The following ZNF236 variants were observed in gnomAD, a reference collection of about 807,000 sequenced individuals.
The protein encoded by ZNF236 is zinc finger protein 236.
ZNF236 carries 50 observed loss-of-function variants against 191.2 expected under a neutral mutation model. The observed-to-expected ratio is 0.26, with a 90% CI of 0.21 to 0.33. ZNF236 has a LOEUF of 0.33. ZNF236 is among the 10% of genes least tolerant of loss of function. ZNF236 has a pLI of 1.00. For synonymous variants in ZNF236, 907 were observed against 928.8 expected (o/e 0.98, Z 0.43); for missense variants, 1,754 against 2,374.5 (o/e 0.74, Z 5.43).
At chr18:76,933,376 A>G (rs1053564499) in intron 25 of ZNF236, among the ~76,000 whole-genome samples, 4 of 152,002 alleles carry the variant, frequency 2.6e-5, no homozygotes, top group African/African-American at 9.7e-5. Flanking sequence ...AGGCTGAGGC[A>G]GGAGAATCGC....
intron 22 of ZNF236, among the ~76,000 whole-genome samples, chr18:76,926,749 G>C (rs906363735): frequency 1.3e-5 from 2 of 152,090 alleles, no homozygotes; most frequent in Non-Finnish European, 1.5e-5. Flanking sequence ...ATGGTATAAA[G>C]GGTGATTAGA....
intron 1 of ZNF236, among the ~76,000 whole-genome samples, chr18:76,836,089 G>A (rs1322675070): frequency 6.0e-5 from 9 of 150,378 alleles, no homozygotes; most frequent in African/African-American, 2.2e-4. Context: ...TGTATTTTTA[G>A]TAGAGACGGG....
At chr18:76,938,456 C>T (rs1217984705) in intron 26 of ZNF236, among the ~76,000 whole-genome samples, 1 of 152,180 alleles carries the variant, frequency 6.6e-6, no homozygotes, top group Admixed American at 6.5e-5. Flanking sequence ...GCTTTTTAGG[C>T]TCACTGTACA....
intron 26 of ZNF236, among the ~76,000 whole-genome samples, chr18:76,938,500 G>A (rs1300387597): frequency 6.6e-6 from 1 of 152,198 alleles, no homozygotes; most frequent in African/African-American, 2.4e-5. Flanking sequence ...GAGCAGGATT[G>A]GCCCTAACAC....
chr18:76,905,122 ACATATT>A (rs1302811347), intron 12 of ZNF236, 27 bp from the exon 13 acceptor site: 4 of 1,577,950 alleles, frequency 2.5e-6, no homozygotes, highest in Non-Finnish European at 3.5e-6. Context: ...AGTATAAGAA[ACATATT>A]CATTAAAATG....
At chr18:76,862,410 G>A (rs144972137) in intron 3 of ZNF236, among the ~76,000 whole-genome samples, 321 of 152,216 alleles carry the variant, frequency 2.1e-3, no homozygotes, top group Non-Finnish European at 3.4e-3. Context: ...TTCTGCCCCC[G>A]TCCCTTGGGA....
At chr18:76,926,082 A>T (rs1399909711) in intron 22 of ZNF236, among the ~76,000 whole-genome samples, 2 of 152,158 alleles carry the variant, frequency 1.3e-5, no homozygotes, top group South Asian at 2.1e-4. Context: ...ACCACCACTC[A>T]GTAGTAGTGG....
intron 25 of ZNF236, among the ~76,000 whole-genome samples, chr18:76,933,193 G>T (rs1967903498): frequency 6.6e-6 from 1 of 152,208 alleles, no homozygotes; most frequent in African/African-American, 2.4e-5. Flanking sequence ...CCGAGGCCGG[G>T]CATGGTGGGT....
At chr18:76,877,356 A>C (rs1463557492) in intron 6 of ZNF236, among the ~76,000 whole-genome samples, 1 of 152,032 alleles carries the variant, frequency 6.6e-6, no homozygotes, top group African/African-American at 2.4e-5. Flanking sequence ...TAAAATACAA[A>C]AATTAGCTGG....
chr18:76,895,243 T>G lies in ZNF236; in HGVS notation c.1648T>G (p.Ser550Ala). 6.2e-7 allele frequency: 1 copy of G among 1,600,008 alleles called. No individual in the cohort carries two copies. Among genetic ancestry groups the G allele is most frequent in the Non-Finnish European group, 8.5e-7 (1 of 1,179,930 alleles). Residue 550 changes from serine to alanine, a missense_variant, in exon 10 of 31, where the codon TCC becomes GCC. Physicochemically the swap from Ser to Ala is moderately conservative, Grantham distance 99 (BLOSUM62 1). Transcript: ENST00000320610. Reference protein sequence around the residue: ...FKCQYCMKSFSTSGSLKVHIR... With the variant: ...FKCQYCMKSFATSGSLKVHIR... Reference sequence around the variant, plus strand: ...GTGCCAGTACTGCATGAAGAGCTTCTCCACCTCTGGCAGCCTCAAGGTGCA... The same window carrying G: ...GTGCCAGTACTGCATGAAGAGCTTCGCCACCTCTGGCAGCCTCAAGGTGCA...
intron 9 of ZNF236, among the ~76,000 whole-genome samples, chr18:76,893,979 A>G (rs1416996508): frequency 6.6e-6 from 1 of 152,254 alleles, no homozygotes; most frequent in Non-Finnish European, 1.5e-5. Context: ...ATGTTGGTAC[A>G]GACACAGTTA....
Position 76,908,517 on chromosome 18 carries a change from C to G in ZNF236, c.2495C>G (p.Thr832Arg). 6.2e-7 allele frequency: 1 copy of G among 1,613,680 alleles called. No individual in the cohort carries two copies. The highest frequency in any genetic ancestry group is 1.1e-5 in the South Asian group (1 of 91,076). Residue 832 changes from threonine (T) to arginine (R), a missense_variant, in exon 14 of 31, where the codon ACG (threonine) becomes AGG (arginine). Thr to Arg is a moderately conservative substitution (Grantham distance 71). Around this residue, in one of 5 missense-constraint regions of ZNF236, gnomAD observed 641 missense variants for 869.6 expected, o/e 0.74. Transcript: ENST00000320610. ...LDLEPQHVVGTEEAGLGQQLA... is the reference protein window; with the variant it reads ...LDLEPQHVVGREEAGLGQQLA... ...CTGGAGCCTCAGCATGTGGTGGGCA[C>G]GGAGGAAGCAGGGCTGGGCCAGCAG... is the stretch of plus-strand genomic sequence containing the variant.
chr18:76,907,344 T>G (rs1360139086), intron 13 of ZNF236, among the ~76,000 whole-genome samples: 4 of 152,186 alleles, frequency 2.6e-5, no homozygotes, highest in East Asian at 1.9e-4. Context: ...CGGCTCTTTT[T>G]TGTGTGTGTG....
chr18:76,865,571 G>A (rs1599345285), intron 3 of ZNF236, among the ~76,000 whole-genome samples: 1 of 152,304 alleles, frequency 6.6e-6, no homozygotes, highest in South Asian at 2.1e-4. Context: ...GTACTTTGAG[G>A]TCTGGGGGAG....
intron 3 of ZNF236, among the ~76,000 whole-genome samples, chr18:76,853,635 T>C (rs1975948680): frequency 6.6e-6 from 1 of 152,142 alleles, no homozygotes; most frequent in Non-Finnish European, 1.5e-5. Flanking sequence ...AAGGCCACAG[T>C]ATTTCAGTTA....
At chr18:76,870,652 G>T (rs1976556511) in intron 4 of ZNF236, among the ~76,000 whole-genome samples, 1 of 152,166 alleles carries the variant, frequency 6.6e-6, no homozygotes, top group Non-Finnish European at 1.5e-5. Flanking sequence ...GCTGAGGGAG[G>T]CTGGGGAGGC....
Position 76,851,879 on chromosome 18 carries a change from C to A in ZNF236, c.303C>A (p.Asn101Lys). ...AAGATCCTACCTGCCCTGTGTGTAA[C>A]AAGAAATTCTCCAGAGTGGCTAGTC... ...SGEDPTCPVC[N>K]KKFSRVASLK... The change falls in exon 3 of 31, where the codon AAC (asparagine) becomes AAA (lysine). Residue 101 changes from asparagine (N) to lysine (K), a missense_variant. By Grantham distance (94) the Asn-to-Lys change is moderately conservative. Transcript: ENST00000320610. 6.2e-7 allele frequency: 1 copy of A among 1,613,864 alleles called. No individual in the cohort carries two copies. The highest frequency in any genetic ancestry group is 8.5e-7 in the Non-Finnish European group (1 of 1,179,910).
intron 27 of ZNF236, among the ~76,000 whole-genome samples, chr18:76,953,226 G>A (rs1968450144): frequency 6.6e-6 from 1 of 152,178 alleles, no homozygotes; most frequent in Non-Finnish European, 1.5e-5. Flanking sequence ...CAAGAGACCT[G>A]ACCTAACTTT....
chr18:76,836,767 C>T (rs1465389531), intron 1 of ZNF236, among the ~76,000 whole-genome samples: 2 of 151,560 alleles, frequency 1.3e-5, no homozygotes, highest in Admixed American at 6.6e-5. Flanking sequence ...TTAGTAGAGG[C>T]GGGGTTTCAC....
Sources: gnomAD v4.1 joint callset for allele counts (sites outside exome capture counted in the v4.1 genomes callset) on GRCh38, gnomAD v4.1.1 for gene constraint, gnomAD v4.1.1 regional missense constraint, MANE v1.5 for transcripts, NCBI Gene and HGNC (gene_info 2026-07-23, HGNC 2026-07-21) for gene names.